The following SGCZ variants were observed in gnomAD, a reference collection of about 807,000 sequenced individuals.
SGCZ encodes sarcoglycan zeta.
SGCZ carries 40 observed loss-of-function variants against 41.3 expected under a neutral mutation model. That is an observed-to-expected ratio of 0.97 (90% CI 0.75 to 1.26). The LOEUF is 1.26. Ranked by LOEUF, SGCZ falls within the 50% of genes most tolerant of loss-of-function variation. SGCZ has a pLI of 0.00. For missense variants in SGCZ, 552 were observed against 369.8 expected, an observed-to-expected ratio of 1.49 and a Z score of -4.04; for synonymous variants, 206 against 137.5, an observed-to-expected ratio of 1.50 and a Z score of -3.49.
chr8:15,131,516 T>C (rs1807899737), intron 1 of SGCZ, among the ~76,000 whole-genome samples: 1 of 152,236 alleles, frequency 6.6e-6, no homozygotes, highest in Non-Finnish European at 1.5e-5. Context: ...ACTAAGGAAG[T>C]TCCAAATATA....
intron 2 of SGCZ, among the ~76,000 whole-genome samples, chr8:14,517,835 T>C (rs1352143364): frequency 6.6e-6 from 1 of 151,858 alleles, no homozygotes; most frequent in East Asian, 1.9e-4. Flanking sequence ...TTTGATTTAA[T>C]TGAACACATT....
chr8:14,522,244 TTGTC>T (rs541269831), intron 2 of SGCZ, among the ~76,000 whole-genome samples: 32 of 152,152 alleles, frequency 2.1e-4, no homozygotes, highest in African/African-American at 7.2e-4. Flanking sequence ...GGCGCTGTCT[TTGTC>T]TGGTTTTGTT....
At chr8:15,231,834 C>T (rs1801950701) in intron 1 of SGCZ, among the ~76,000 whole-genome samples, 1 of 152,014 alleles carries the variant, frequency 6.6e-6, no homozygotes, top group African/African-American at 2.4e-5. Context: ...GTTGGCCAGG[C>T]TGGTCTTGAA....
chr8:14,483,892 C>G (rs1237390193), intron 2 of SGCZ, among the ~76,000 whole-genome samples: 4 of 152,126 alleles, frequency 2.6e-5, no homozygotes. Flanking sequence ...ATCAAGTTTA[C>G]TCCTTTATGT....
chr8:15,079,105 G>GT (rs1195358692), intron 1 of SGCZ, among the ~76,000 whole-genome samples: 7 of 152,014 alleles, frequency 4.6e-5, no homozygotes, highest in African/African-American at 1.7e-4. Flanking sequence ...TAAAAGATCC[G>GT]TAACTTTTAC....
At chr8:14,280,668 C>A (rs1270098422) in intron 3 of SGCZ, among the ~76,000 whole-genome samples, 2 of 151,862 alleles carry the variant, frequency 1.3e-5, no homozygotes, top group African/African-American at 4.8e-5. Context: ...ATTACTATTA[C>A]TATTGCTTAT....
chr8:14,730,400 T>TA (rs1258156499), intron 1 of SGCZ, among the ~76,000 whole-genome samples: 1 of 152,152 alleles, frequency 6.6e-6, no homozygotes, highest in East Asian at 1.9e-4. Flanking sequence ...CAAAAATCAG[T>TA]AAAATCGATT....
At chr8:14,407,300 C>G (rs1007346777) in intron 2 of SGCZ, among the ~76,000 whole-genome samples, 1 of 151,962 alleles carries the variant, frequency 6.6e-6, no homozygotes, top group Non-Finnish European at 1.5e-5. Context: ...AACTCTTGAC[C>G]TCAAGCGATC....
At chr8:14,818,682 G>A (rs995789304) in intron 1 of SGCZ, among the ~76,000 whole-genome samples, 5 of 151,972 alleles carry the variant, frequency 3.3e-5, no homozygotes, top group African/African-American at 1.2e-4. Flanking sequence ...ATAATTCACT[G>A]AAGTCAAGAA....
intron 1 of SGCZ, among the ~76,000 whole-genome samples, chr8:14,712,649 C>G (rs893016764): frequency 6.6e-6 from 1 of 152,150 alleles, no homozygotes; most frequent in Middle Eastern, 3.2e-3. Flanking sequence ...CCTCAACACA[C>G]CCACTTAGCA....
chr8:14,103,949 C>T (rs944731789), intron 6 of SGCZ, among the ~76,000 whole-genome samples: 12 of 152,128 alleles, frequency 7.9e-5, no homozygotes, highest in African/African-American at 2.7e-4. Context: ...CCCTGATACA[C>T]AACCCTTCTA....
chr8:14,847,675 G>T, intron 1 of SGCZ, among the ~76,000 whole-genome samples: 1 of 127,090 alleles, frequency 7.9e-6, no homozygotes, highest in African/African-American at 2.9e-5. Flanking sequence ...AGGAAGGAAA[G>T]ATGGAGGGAG....
At chr8:15,126,215 G>A (rs114861963) in intron 1 of SGCZ, among the ~76,000 whole-genome samples, 2 of 152,154 alleles carry the variant, frequency 1.3e-5, no homozygotes, top group Admixed American at 6.5e-5. Context: ...CATGCTAGTA[G>A]TATCACAATG....
At position 15,174,403 on chromosome 8, in the gene SGCZ, A is replaced by C. The variant is rs557383871; in HGVS notation, c.39+63182T>G. Among the ~76,000 whole-genome samples the C allele has an allele frequency of 3.5e-4, 54 of 152,358 alleles. 1 individual carries two copies. The South Asian group carries it at 8.9e-3, about 25-fold the overall frequency. On this transcript the variant is annotated intron_variant, in intron 1 of 7. Transcript: ENST00000382080. ...ACATTGTATATAACCCCAGAGGCAA[A>C]ACAAAGATAAAACAGAACCCCAGAA... is the stretch of plus-strand genomic sequence containing the variant.
intron 5 of SGCZ, among the ~76,000 whole-genome samples, chr8:14,135,944 T>G (rs1053881546): frequency 1.3e-5 from 2 of 151,974 alleles, no homozygotes; most frequent in African/African-American, 4.8e-5. Flanking sequence ...TTACAAAAAA[T>G]AGAAGAGGAT....
chr8:14,967,688 A>G (rs999881112), intron 1 of SGCZ, among the ~76,000 whole-genome samples: 1 of 152,146 alleles, frequency 6.6e-6, no homozygotes, highest in Non-Finnish European at 1.5e-5. Flanking sequence ...TCCCCTAAAT[A>G]TCTATTTAAT....
At chr8:15,217,631 C>A (rs1266261198) in intron 1 of SGCZ, among the ~76,000 whole-genome samples, 1 of 152,044 alleles carries the variant, frequency 6.6e-6, no homozygotes, top group African/African-American at 2.4e-5. Context: ...GACTGGCGTG[C>A]CTTTTCTTTG....
At chr8:14,138,719 A>G (rs36042029) in intron 5 of SGCZ, among the ~76,000 whole-genome samples, 2 of 152,154 alleles carry the variant, frequency 1.3e-5, no homozygotes, top group Admixed American at 1.3e-4. Flanking sequence ...CAAAGAAACT[A>G]AAACTCTCAC....
intron 1 of SGCZ, among the ~76,000 whole-genome samples, chr8:15,109,926 T>G (rs947503018): frequency 6.6e-6 from 1 of 152,202 alleles, no homozygotes; most frequent in Non-Finnish European, 1.5e-5. Flanking sequence ...AATATACATA[T>G]ATACAAATAT....
Sources: allele counts gnomAD v4.1 joint callset (sites outside exome capture counted in the v4.1 genomes callset), GRCh38; gene constraint gnomAD v4.1.1; transcripts MANE v1.5; gene names NCBI Gene and HGNC (gene_info 2026-07-23, HGNC 2026-07-21).